The following ATRX variants were observed in gnomAD, a reference collection of about 807,000 sequenced individuals.
ATRX encodes chromatin remodeler ATRX.
Under a neutral mutation model 172.6 loss-of-function variants are expected in ATRX, and 12 were observed. That is an observed-to-expected ratio of 0.07 (90% CI 0.04 to 0.11). The LOEUF is 0.11. Ranked by LOEUF, ATRX falls within the 10% of genes least tolerant of loss-of-function variation. ATRX has a pLI of 1.00. For synonymous variants in ATRX, 674 were observed against 594.7 expected (o/e 1.13, Z -1.94); for missense variants, 1,368 against 1,767.4 (o/e 0.77, Z 4.05).
chrX:77,709,342 T>C (rs1232757868), intron 2 of ATRX, among the ~76,000 whole-genome samples: 5 of 111,942 alleles, frequency 4.5e-5, no homozygotes, highest in Non-Finnish European at 9.4e-5. Flanking sequence ...CACCCAGTGT[T>C]GGCAAGGATG....
At chrX:77,555,993 T>C (rs1453426159) in intron 30 of ATRX, among the ~76,000 whole-genome samples, 2 of 106,904 alleles carry the variant, frequency 1.9e-5, no homozygotes, top group Non-Finnish European at 3.9e-5. Flanking sequence ...GCCAACATAG[T>C]AAAACCCCAT....
At chrX:77,586,390 T>A (rs1215172136) in intron 27 of ATRX, among the ~76,000 whole-genome samples, 1 of 111,716 alleles carries the variant, frequency 9.0e-6, no homozygotes, top group Non-Finnish European at 1.9e-5. Flanking sequence ...ATTAATCAGG[T>A]GAAGAAGATA....
At chrX:77,652,446 A>C (rs2069299300) in intron 14 of ATRX, 93 bp from the exon 15 acceptor site, 1 of 994,440 alleles carries the variant, frequency 1.0e-6, no homozygotes. Context: ...GAAAAGGTGG[A>C]AGAAAACATG....
intron 2 of ATRX, among the ~76,000 whole-genome samples, chrX:77,709,178 G>A (rs184003173): frequency 8.7e-4 from 97 of 111,933 alleles, no homozygotes; most frequent in Admixed American, 1.4e-3. Flanking sequence ...AGGCTGCAGT[G>A]AGCTATAATT....
rs1421922081 is a variant in ATRX at position 77,615,818 on chromosome X, CT to C, written c.5566+794del. On this transcript the variant is annotated intron_variant, in intron 22 of 34. Transcript: ENST00000373344. ...TATGTGTGTACGTACTTCCATCCTC[CT>C]TTTTTTTTTGATCAATTACTGTATT... 2,731 of 276,355 alleles carry C rather than the reference CT, an allele frequency of 9.9e-3. 2 individuals carry two copies. Among genetic ancestry groups the C allele is most frequent in the Non-Finnish European group, 0.012 (2,502 of 207,207 alleles). The allele number at this position is 276,355 out of a possible 1,213,427, so 22.8% of individuals were successfully genotyped here. A position where few individuals can be genotyped will look rare whatever the true frequency, so the allele number is the denominator to read the frequency against.
chrX:77,646,416 T>C (rs1557113696), intron 15 of ATRX, among the ~76,000 whole-genome samples: 1 of 110,796 alleles, frequency 9.0e-6, no homozygotes, highest in Non-Finnish European at 1.9e-5. Flanking sequence ...AAAAATGTAA[T>C]TATAAACATA....
chrX:77,527,877 A>C (rs1023323991), intron 30 of ATRX, among the ~76,000 whole-genome samples: 5 of 111,912 alleles, frequency 4.5e-5, no homozygotes, highest in Admixed American at 2.8e-4. Context: ...TGAAGAGTGG[A>C]CACGGCCCAG....
At chrX:77,642,644 G>A (rs1169298006) in intron 15 of ATRX, among the ~76,000 whole-genome samples, 1 of 100,452 alleles carries the variant, frequency 1.0e-5, no homozygotes, top group Non-Finnish European at 2.0e-5. Flanking sequence ...GAGTAAGACT[G>A]TCTCCAAAAA....
chrX:77,662,025 C>T (rs782283421), intron 12 of ATRX, among the ~76,000 whole-genome samples: 6 of 111,606 alleles, frequency 5.4e-5, no homozygotes, highest in African/African-American at 1.3e-4. Context: ...CAACAATCTA[C>T]GTGCTCCCAC....
chrX:77,516,206 T>C (rs782283108), intron 34 of ATRX, among the ~76,000 whole-genome samples: 1 of 111,886 alleles, frequency 8.9e-6, no homozygotes, highest in African/African-American at 3.2e-5. Flanking sequence ...AACCTGCACA[T>C]GTATCCATGA....
chrX:77,563,775 G>A (rs2065100668), intron 28 of ATRX, among the ~76,000 whole-genome samples: 1 of 108,428 alleles, frequency 9.2e-6, no homozygotes, highest in South Asian at 4.1e-4. Flanking sequence ...CTGTGATTAT[G>A]GAAGCTGTGA....
At chrX:77,727,873 T>G (rs2074122993) in intron 1 of ATRX, 1 of 111,799 alleles carries the variant, frequency 8.9e-6, no homozygotes, top group African/African-American at 3.2e-5. Flanking sequence ...ACAACAGTTT[T>G]CTTATAAACC....
rs1319481237 is a variant in ATRX, at chrX:77,683,004, T to A, written c.2252A>T (p.Asp751Val). The change falls in exon 9 of 35, where the codon GAT becomes GTT. Residue 751 changes from aspartate to valine, a missense_variant. By Grantham distance (152) the Asp-to-Val change is radical. This residue lies in a region of ATRX where 843 missense variants were observed against 643.1 expected (regional missense o/e 1.31). Coordinates refer to ENST00000373344, the MANE Select transcript of ATRX (RefSeq NM_000489.6). ...TGTATGAATTTCATTAATATCAGTA[T>A]CTGAAGAAGAACTGTGACTCATCCT... Reference protein sequence around the residue: ...VSRMSHSSSSDTDINEIHTNH... With the variant: ...VSRMSHSSSSVTDINEIHTNH... 4 of 1,210,996 alleles carry A rather than the reference T, an allele frequency of 3.3e-6. No homozygotes were observed. The highest frequency in any genetic ancestry group is 4.5e-6 in the Non-Finnish European group (4 of 894,990).
At chrX:77,565,017 C>T (rs1048855475) in intron 28 of ATRX, among the ~76,000 whole-genome samples, 2 of 111,883 alleles carry the variant, frequency 1.8e-5, no homozygotes, top group South Asian at 3.8e-4. Context: ...TCCACCCACA[C>T]CCAGCAGTTA....
chrX:77,723,742 GAATA>G (rs1161532267), intron 1 of ATRX, among the ~76,000 whole-genome samples: 1 of 111,123 alleles, frequency 9.0e-6, no homozygotes, highest in Non-Finnish European at 1.9e-5. Flanking sequence ...TCAAAAAGAG[GAATA>G]AATAATGTCA....
At chrX:77,544,905 G>A (rs1458560650) in intron 30 of ATRX, among the ~76,000 whole-genome samples, 1 of 110,357 alleles carries the variant, frequency 9.1e-6, no homozygotes, top group Non-Finnish European at 1.9e-5. Flanking sequence ...AATCTACAAT[G>A]AACTCAAACA....
rs2148584059 is a variant in ATRX at position 77,682,262 on chromosome X, A to G, written c.2994T>C (p.Phe998=). 1 of 1,203,481 alleles carries G rather than the reference A, an allele frequency of 8.3e-7. No homozygotes were observed. Among genetic ancestry groups the G allele is most frequent in the South Asian group, 1.8e-5 (1 of 54,517 alleles). ...GTEEKKKPSD[F]KKKVIKMEQQ... is the part of the protein sequence containing the mutation. Reference sequence around the variant, plus strand: ...GTTCCATTTTAATTACTTTTTTCTTAAAGTCTGAAGGTTTCTTTTTTTCTT... The same window carrying G: ...GTTCCATTTTAATTACTTTTTTCTTGAAGTCTGAAGGTTTCTTTTTTTCTT... The change falls in exon 9 of 35, where the codon TTT becomes TTC. Residue 998 remains phenylalanine, a synonymous_variant. Transcript: ENST00000373344.
At chrX:77,708,440 G>C (rs1185861154) in intron 2 of ATRX, among the ~76,000 whole-genome samples, 1 of 111,978 alleles carries the variant, frequency 8.9e-6, no homozygotes, top group African/African-American at 3.2e-5. Context: ...GTGGGCAGAT[G>C]ACTTGAGGCC....
chrX:77,607,676 G>A (rs1557091549), intron 22 of ATRX, among the ~76,000 whole-genome samples: 1 of 90,646 alleles, frequency 1.1e-5, no homozygotes, highest in African/African-American at 4.3e-5. Context: ...TCGCACCACT[G>A]CACCCCAGCC....
Sources: gnomAD v4.1 joint callset for allele counts (sites outside exome capture counted in the v4.1 genomes callset) on GRCh38, gnomAD v4.1.1 for gene constraint, gnomAD v4.1.1 regional missense constraint, MANE v1.5 for transcripts, NCBI Gene and HGNC (gene_info 2026-07-23, HGNC 2026-07-21) for gene names.